Variants in CHN1 observed in about 807,000 individuals in gnomAD.
The protein encoded by CHN1 is chimerin 1.
In CHN1, 37 loss-of-function variants were observed where a neutral mutation model predicts 59.5. The observed-to-expected ratio is 0.62, with a 90% CI of 0.48 to 0.82. CHN1 has a LOEUF of 0.82. Among genes scored for constraint, CHN1 ranks in the 40% least tolerant of loss-of-function variants. CHN1 has a pLI of 0.00. For missense variants in CHN1, 469 were observed against 571.0 expected, an observed-to-expected ratio of 0.82 and a Z score of 1.82; for synonymous variants, 206 against 200.4, an observed-to-expected ratio of 1.03 and a Z score of -0.24.
At chr2:174,893,369 CA>C (rs1482153898) in intron 5 of CHN1, among the ~76,000 whole-genome samples, 2 of 151,996 alleles carry the variant, frequency 1.3e-5, no homozygotes, top group Admixed American at 6.6e-5. Flanking sequence ...ACTCCATTTA[CA>C]AGAGTATCAA....
At chr2:174,888,802 T>A (rs1323419076) in intron 5 of CHN1, among the ~76,000 whole-genome samples, 2 of 152,196 alleles carry the variant, frequency 1.3e-5, no homozygotes, top group Non-Finnish European at 2.9e-5. Context: ...CTTGAAGGAT[T>A]GTTTTTCCTC....
chr2:174,869,161 T>C (rs1190286576), intron 6 of CHN1, among the ~76,000 whole-genome samples: 1 of 151,896 alleles, frequency 6.6e-6, no homozygotes, highest in Non-Finnish European at 1.5e-5. Context: ...TCCTCCCTTG[T>C]TGTGTACTCA....
In CHN1 at chr2:174,846,891, G is replaced by C; in HGVS notation, c.616C>G (p.His206Asp). The C allele has an allele frequency of 6.5e-7, 1 of 1,550,050 alleles. No homozygotes were observed. Among genetic ancestry groups the C allele is most frequent in the East Asian group, 2.4e-5 (1 of 41,032 alleles). ...GCAAATATTCTTACCTTGAAATTGT[G>C]AATCTTTTCATATTTTGGAATTTGC... ...NEQIPKYEKIHNFKVHTFRGP... is the reference protein window; with the variant it reads ...NEQIPKYEKIDNFKVHTFRGP... Residue 206 changes from histidine to aspartate, a missense_variant, in exon 7 of 13, where the codon CAC becomes GAC. His to Asp is a moderately conservative substitution (Grantham distance 81). This residue lies in a region of CHN1 where 81 missense variants were observed against 71.7 expected (regional missense o/e 1.13). Coordinates refer to ENST00000409900, the MANE Select transcript of CHN1 (RefSeq NM_001822.7).
At chr2:174,937,628 T>C (rs1689536513) in intron 3 of CHN1, among the ~76,000 whole-genome samples, 1 of 152,232 alleles carries the variant, frequency 6.6e-6, no homozygotes, top group Non-Finnish European at 1.5e-5. Flanking sequence ...TGTTGAAATA[T>C]GATCCCCAAT....
intron 6 of CHN1, among the ~76,000 whole-genome samples, chr2:174,850,032 C>A (rs1377041000): frequency 3.3e-5 from 5 of 152,132 alleles, no homozygotes; most frequent in Non-Finnish European, 5.9e-5. Context: ...ATGTAGTAAC[C>A]AAGATCTTAT....
intron 6 of CHN1, among the ~76,000 whole-genome samples, chr2:174,858,614 AAAAC>A (rs1686976138): frequency 6.6e-6 from 1 of 152,182 alleles, no homozygotes; most frequent in Non-Finnish European, 1.5e-5. Flanking sequence ...GGCATTTTCT[AAAAC>A]AAACTTTTTA....
At chr2:174,972,297 G>A (rs927863469) in intron 1 of CHN1, among the ~76,000 whole-genome samples, 4 of 152,044 alleles carry the variant, frequency 2.6e-5, no homozygotes, top group African/African-American at 9.7e-5. Context: ...TCTGACCCAC[G>A]GCAGGGTGAT....
chr2:174,951,129 C>A (rs942975989), intron 2 of CHN1, among the ~76,000 whole-genome samples: 10 of 152,168 alleles, frequency 6.6e-5, no homozygotes, highest in South Asian at 2.1e-4. Context: ...GAGACAAAAT[C>A]TTTAGGAGGT....
intron 7 of CHN1, among the ~76,000 whole-genome samples, chr2:174,827,937 TAAGA>T (rs1161165071): frequency 4.6e-5 from 7 of 151,986 alleles, no homozygotes; most frequent in Non-Finnish European, 7.4e-5. Context: ...GGCTGACTCA[TAAGA>T]AAGAGAGGGT....
chr2:174,824,828 C>T (rs1159166760), intron 7 of CHN1, among the ~76,000 whole-genome samples: 1 of 152,090 alleles, frequency 6.6e-6, no homozygotes, highest in Non-Finnish European at 1.5e-5. Context: ...TCAGGCTAGT[C>T]TTGAACTTCT....
chr2:174,947,722 G>A (rs1265980514), intron 2 of CHN1, among the ~76,000 whole-genome samples: 1 of 151,996 alleles, frequency 6.6e-6, no homozygotes, highest in African/African-American at 2.4e-5. Flanking sequence ...GAGCTCAAGT[G>A]ATACTCCCAC....
chr2:174,816,053 C>A (rs1341582863), intron 8 of CHN1, among the ~76,000 whole-genome samples: 1 of 152,154 alleles, frequency 6.6e-6, no homozygotes, highest in Non-Finnish European at 1.5e-5. Flanking sequence ...GAAGTCAAAG[C>A]TGTGCCCACA....
chr2:174,810,843 C>A (rs1245513892), intron 10 of CHN1: 2 of 152,226 alleles, frequency 1.3e-5, no homozygotes, highest in Non-Finnish European at 2.9e-5. Context: ...ACTCTTACTC[C>A]TTTACTTCCT....
chr2:174,965,790 G>T (rs1284800850), intron 1 of CHN1, among the ~76,000 whole-genome samples: 7 of 152,120 alleles, frequency 4.6e-5, no homozygotes, highest in Non-Finnish European at 1.0e-4. Context: ...TTGCTGTTCT[G>T]TTTCGGTTCA....
At chr2:174,963,458 C>T (rs1690485039) in intron 1 of CHN1, among the ~76,000 whole-genome samples, 1 of 151,778 alleles carries the variant, frequency 6.6e-6, no homozygotes, top group Non-Finnish European at 1.5e-5. Context: ...AAAGGGGCTG[C>T]GAATAACAGG....
intron 8 of CHN1, chr2:174,821,754 G>C (rs1223905065): frequency 4.3e-6 from 2 of 460,808 alleles, no homozygotes; most frequent in Non-Finnish European, 8.9e-6. Context: ...CTGCCAGCTT[G>C]ATCTTGGACT....
chr2:174,973,340 T>C (rs1295725789), intron 1 of CHN1, among the ~76,000 whole-genome samples: 1 of 152,210 alleles, frequency 6.6e-6, no homozygotes, highest in Non-Finnish European at 1.5e-5. Flanking sequence ...CACAGAGCAC[T>C]GTAAATCTTC....
chr2:174,805,095 C>G (rs1684845867), intron 11 of CHN1, among the ~76,000 whole-genome samples: 1 of 152,190 alleles, frequency 6.6e-6, no homozygotes, highest in South Asian at 2.1e-4. Flanking sequence ...TGACCATCAT[C>G]AGTTGTCAAA....
At chr2:174,911,087 G>T (rs373214713) in intron 5 of CHN1, among the ~76,000 whole-genome samples, 6 of 151,990 alleles carry the variant, frequency 3.9e-5, no homozygotes, top group African/African-American at 1.5e-4. Context: ...CAACGAATGG[G>T]TCTAACAGCA....
Sources: gnomAD v4.1 joint callset for allele counts (sites outside exome capture counted in the v4.1 genomes callset) on GRCh38, gnomAD v4.1.1 for gene constraint, gnomAD v4.1.1 regional missense constraint, MANE v1.5 for transcripts, NCBI Gene and HGNC (gene_info 2026-07-23, HGNC 2026-07-21) for gene names.